The following SYT2 variants were observed in gnomAD, a reference collection of about 807,000 sequenced individuals.
The protein encoded by SYT2 is synaptotagmin 2.
SYT2 carries 15 observed loss-of-function variants against 39.9 expected under a neutral mutation model. The observed-to-expected ratio is 0.38, with a 90% CI of 0.25 to 0.58. The LOEUF is 0.58. SYT2 is among the 20% of genes least tolerant of loss of function. SYT2 has a pLI of 0.70. For missense variants in SYT2, 389 were observed against 530.3 expected, an observed-to-expected ratio of 0.73 and a Z score of 2.62; for synonymous variants, 181 against 204.5, an observed-to-expected ratio of 0.89 and a Z score of 0.98.
intron 1 of SYT2, chr1:202,639,630 G>A (rs1316003403): frequency 1.0e-6 from 1 of 985,384 alleles, no homozygotes; most frequent in Non-Finnish European, 1.2e-6. Context: ...ATGGAGGGAT[G>A]CCATGCTGCT....
rs549531004 is a variant in SYT2, at chr1:202,595,445, T to C, written c.*1312A>G. On this transcript the variant is annotated 3_prime_UTR_variant, in exon 9 of 9. Transcript: ENST00000367268. ...TGGGCCACTCCAGCTACCTATCAGC[T>C]CTCCAGCATGGAGGGCAGAGGGCCA... 6.6e-6 allele frequency: 1 copy of C among 152,146 alleles called. No homozygotes were observed. The highest frequency in any genetic ancestry group is 6.5e-5 in the Admixed American group (1 of 15,292). The allele number at this position is 152,146 out of a possible 1,614,324, so 9.4% of individuals were successfully genotyped here.
chr1:202,639,738 C>T (rs1446769636), intron 1 of SYT2: 1 of 985,350 alleles, frequency 1.0e-6, no homozygotes, highest in Admixed American at 6.1e-5. Flanking sequence ...CTGAGCTCTT[C>T]CTTTCTCCAG....
chr1:202,686,882 C>T (rs1184790954), intron 1 of SYT2, among the ~76,000 whole-genome samples: 5 of 152,078 alleles, frequency 3.3e-5, no homozygotes, highest in African/African-American at 1.2e-4. Context: ...ATGTTCTTCC[C>T]TTTGTGCATC....
At chr1:202,630,759 G>A (rs936475476) in intron 1 of SYT2, among the ~76,000 whole-genome samples, 9 of 152,198 alleles carry the variant, frequency 5.9e-5, no homozygotes, top group African/African-American at 2.2e-4. Flanking sequence ...GAGGCCTCAA[G>A]GTTTTCCCTC....
intron 1 of SYT2, among the ~76,000 whole-genome samples, chr1:202,678,272 T>TAAAAAAAAAAAAA (rs1232543695): frequency 3.0e-5 from 1 of 32,874 alleles, no homozygotes; most frequent in African/African-American, 1.5e-4. Context: ...AGACTCTGTC[T>TAAAAAAAAAAAAA]CAAAAAAAAA....
intron 1 of SYT2, among the ~76,000 whole-genome samples, chr1:202,678,264 ACT>A (rs1353312915): frequency 1.6e-4 from 19 of 120,828 alleles, no homozygotes; most frequent in Non-Finnish European, 1.1e-4. Flanking sequence ...ACAGAGCGAG[ACT>A]CTGTCTCAAA....
At chr1:202,686,045 C>T (rs1203346787) in intron 1 of SYT2, among the ~76,000 whole-genome samples, 2 of 152,098 alleles carry the variant, frequency 1.3e-5, no homozygotes, top group East Asian at 1.9e-4. Context: ...TGACCCTGGG[C>T]CCCTAATATG....
At position 202,600,426 on chromosome 1, in the gene SYT2, C is replaced by A; in HGVS notation, c.850G>T (p.Ala284Ser). ...AGGATGCAGACAGTGAGCTTCCCGG[C>A]CGTGGGCACATAGCGCAGGGAGGTG... ...ICTSLRYVPT[A>S]GKLTVCILEA... Residue 284 changes from alanine (A) to serine (S), a missense_variant, in exon 7 of 9, where the codon GCC becomes TCC. Physicochemically the swap from Ala to Ser is moderately conservative, Grantham distance 99. Coordinates refer to ENST00000367268, the MANE Select transcript of SYT2 (RefSeq NM_177402.5). The A allele has an allele frequency of 6.2e-7, 1 of 1,614,244 alleles. No individual in the cohort carries two copies. The highest frequency in any genetic ancestry group is 8.5e-7 in the Non-Finnish European group (1 of 1,180,050).
chr1:202,698,121 A>C (rs557914890), intron 1 of SYT2, among the ~76,000 whole-genome samples: 1 of 142,414 alleles, frequency 7.0e-6, no homozygotes, highest in African/African-American at 2.5e-5. Context: ...CACCCCCCCA[A>C]GGAAAGTTCA....
At chr1:202,612,897 C>T (rs1690924763) in intron 1 of SYT2, among the ~76,000 whole-genome samples, 1 of 152,090 alleles carries the variant, frequency 6.6e-6, no homozygotes, top group African/African-American at 2.4e-5. Flanking sequence ...TTCAACTACA[C>T]ATCTTGCACT....
Position 202,602,562 on chromosome 1 carries a change from G to C in SYT2, c.466-17C>G. The C allele has an allele frequency of 6.2e-7, 1 of 1,605,556 alleles. No individual in the cohort carries two copies. Among genetic ancestry groups the C allele is most frequent in the East Asian group, 2.2e-5 (1 of 44,756 alleles). On this transcript the variant is annotated splice_polypyrimidine_tract_variant and intron_variant, in intron 4 of 8. Coordinates refer to ENST00000367268, the MANE Select transcript of SYT2 (RefSeq NM_177402.5). Reference sequence around the variant, plus strand: ...CACAGTAAGCTGTGGAGAGAGATGGGGAGAAGGGGCCTGAGTCTCAGGACT... The same window carrying C: ...CACAGTAAGCTGTGGAGAGAGATGGCGAGAAGGGGCCTGAGTCTCAGGACT...
intron 1 of SYT2, among the ~76,000 whole-genome samples, chr1:202,616,299 C>T (rs759546862): frequency 3.3e-5 from 5 of 152,176 alleles, no homozygotes; most frequent in African/African-American, 7.2e-5. Flanking sequence ...AGCCAGTTCC[C>T]GTTCCTGCGC....
rs138931341 is a variant in SYT2, at chr1:202,692,255, T to G, written c.-18+18003A>C. ...TCCCCTCCAGGCGTGCTTATTCAACTCCAGCCTCATTTGGAGGCCCTATCC... is the reference window on the plus strand; with the variant it reads ...TCCCCTCCAGGCGTGCTTATTCAACGCCAGCCTCATTTGGAGGCCCTATCC... On this transcript the variant is annotated intron_variant, in intron 1 of 8. Coordinates refer to ENST00000367268, the MANE Select transcript of SYT2 (RefSeq NM_177402.5). Among the ~76,000 whole-genome samples the G allele has an allele frequency of 2.8e-4, 42 of 152,048 alleles. No individual in the cohort carries two copies. In the East Asian group the frequency reaches 7.8e-3, roughly 28 times the overall value.
Position 202,601,842 on chromosome 1 carries a change from C to A in SYT2, c.801+48G>T. 1 of 1,588,480 alleles carries A rather than the reference C, an allele frequency of 6.3e-7. No homozygotes were observed. Among genetic ancestry groups the A allele is most frequent in the South Asian group, 1.1e-5 (1 of 87,486 alleles). On this transcript the variant is annotated intron_variant, in intron 6 of 8. Coordinates refer to ENST00000367268, the MANE Select transcript of SYT2 (RefSeq NM_177402.5). This position sits in a 1 kb window ranked among gnomAD's most constrained non-coding sequence, Gnocchi z 4.0. ...CATCATGCCAAGAGGTGGAAGCCCA[C>A]CTGTACATTCGTCTTTCTGCCCAAC...
intron 1 of SYT2, among the ~76,000 whole-genome samples, chr1:202,672,254 T>C (rs1479507954): frequency 6.6e-6 from 1 of 152,254 alleles, no homozygotes; most frequent in African/African-American, 2.4e-5. Context: ...AATTCATATG[T>C]TGAAATTCGT....
Position 202,602,988 on chromosome 1 carries a change from G to A in SYT2, c.465+11C>T, listed in dbSNP as rs758085298. ...CATTCCCCCACTCTGCCCCCCCACA[G>A]CCCTGCATACCTGATTAGCCTGAAA... On this transcript the variant is annotated intron_variant, in intron 4 of 8. Transcript: ENST00000367268. The A allele has an allele frequency of 1.9e-5, 30 of 1,553,182 alleles. No individual in the cohort carries two copies. Among genetic ancestry groups the A allele is most frequent in the Non-Finnish European group, 2.4e-5 (28 of 1,147,720 alleles).
intron 6 of SYT2, among the ~76,000 whole-genome samples, chr1:202,600,894 T>G (rs1029089000): frequency 3.3e-5 from 5 of 152,180 alleles, no homozygotes; most frequent in African/African-American, 1.2e-4. Context: ...CCAAGGGCCC[T>G]GGGGGACTGA....
At chr1:202,634,669 A>G (rs922028612) in intron 1 of SYT2, among the ~76,000 whole-genome samples, 5 of 152,220 alleles carry the variant, frequency 3.3e-5, no homozygotes, top group African/African-American at 4.8e-5. Flanking sequence ...AAAACGCAGT[A>G]TATCTACACA....
intron 6 of SYT2, among the ~76,000 whole-genome samples, chr1:202,600,690 G>GA (rs953745027): frequency 8.5e-5 from 13 of 152,228 alleles, no homozygotes; most frequent in African/African-American, 3.1e-4. Context: ...GACAGGTTGG[G>GA]ACCTCAGGAG....
Sources: gnomAD v4.1 joint callset for allele counts (sites outside exome capture counted in the v4.1 genomes callset) on GRCh38, gnomAD v4.1.1 for gene constraint, Gnocchi (gnomAD v3.1) non-coding constraint, MANE v1.5 for transcripts, NCBI Gene and HGNC (gene_info 2026-07-23, HGNC 2026-07-21) for gene names.